The following CNTLN variants were observed in gnomAD, a reference collection of about 807,000 sequenced individuals.
The protein encoded by CNTLN is centlein, centrosomal protein.
A neutral mutation model predicts 180.0 loss-of-function variants in CNTLN; 212 were observed. The ratio of observed to expected loss-of-function variants is 1.18; its 90% CI spans 1.05 to 1.32. CNTLN has a LOEUF of 1.32. Among genes scored for constraint, CNTLN ranks in the 40% most tolerant of loss-of-function variants. CNTLN has a pLI of 0.00. For synonymous variants in CNTLN, 722 were observed against 563.1 expected, an observed-to-expected ratio of 1.28 and a Z score of -3.99; for missense variants, 2,095 against 1,610.9, an observed-to-expected ratio of 1.30 and a Z score of -5.14.
Position 17,417,951 on chromosome 9 carries a change from T to C in CNTLN, c.3114+1762T>C, listed in dbSNP as rs1828397202. 2.0e-5 allele frequency among the ~76,000 whole-genome samples: 3 copies of C among 152,036 alleles called. No homozygotes were observed. The South Asian group carries it at 6.2e-4, about 31-fold the overall frequency. On this transcript the variant is annotated intron_variant, in intron 18 of 25. Transcript: ENST00000380647. ...GTTACTGCATGGTTCATCTGCATTT[T>C]AGAGAGAGTATAGTATAGATGATCA...
At chr9:17,136,076 A>G (rs1171792073) in intron 1 of CNTLN, among the ~76,000 whole-genome samples, 1 of 152,214 alleles carries the variant, frequency 6.6e-6, no homozygotes, top group African/African-American at 2.4e-5. Flanking sequence ...AATCAATTGC[A>G]TTAAAATTAC....
chr9:17,154,385 C>T (rs1425555859), intron 2 of CNTLN, among the ~76,000 whole-genome samples: 2 of 152,164 alleles, frequency 1.3e-5, no homozygotes, highest in African/African-American at 2.4e-5. Context: ...TTCCTTCTGA[C>T]AGTCAGGCCC....
At chr9:17,230,795 G>GT (rs1364261991) in intron 3 of CNTLN, among the ~76,000 whole-genome samples, 1 of 152,178 alleles carries the variant, frequency 6.6e-6, no homozygotes, top group South Asian at 2.1e-4. Flanking sequence ...TTATGAAAAT[G>GT]TGTCACCTCT....
At chr9:17,404,192 C>T (rs1047686129) in intron 15 of CNTLN, among the ~76,000 whole-genome samples, 3 of 151,746 alleles carry the variant, frequency 2.0e-5, no homozygotes, top group African/African-American at 7.3e-5. Flanking sequence ...AGTAGATGAT[C>T]AATAGGCTCC....
intron 2 of CNTLN, among the ~76,000 whole-genome samples, chr9:17,149,557 G>A (rs973283444): frequency 1.1e-4 from 14 of 125,106 alleles, no homozygotes; most frequent in Admixed American, 7.1e-4. Flanking sequence ...TCGCTCTGTC[G>A]CCCAGGCTGG....
the CNTLN span, among the ~76,000 whole-genome samples, chr9:17,511,407 G>A: frequency 6.6e-6 from 1 of 152,194 alleles, no homozygotes; most frequent in Non-Finnish European, 1.5e-5. Flanking sequence ...TGTGGATCAA[G>A]AATCTGGGTC....
chr9:17,259,476 G>A (rs1459831578), intron 5 of CNTLN, among the ~76,000 whole-genome samples: 1 of 148,568 alleles, frequency 6.7e-6, no homozygotes, highest in East Asian at 2.0e-4. Context: ...GTATCAGAAT[G>A]ATGCTGGCCT....
intron 10 of CNTLN, among the ~76,000 whole-genome samples, chr9:17,335,872 G>A (rs976600784): frequency 1.3e-5 from 2 of 148,158 alleles, no homozygotes; most frequent in African/African-American, 5.0e-5. Flanking sequence ...AACCCAGGAG[G>A]CAGAGGTTGC....
the CNTLN span, among the ~76,000 whole-genome samples, chr9:17,509,100 G>C: frequency 6.6e-6 from 1 of 152,202 alleles, no homozygotes. Flanking sequence ...GTGGGCTTCT[G>C]AGCAAAGTGG....
intron 23 of CNTLN, among the ~76,000 whole-genome samples, chr9:17,467,882 A>G (rs1226049135): frequency 1.3e-5 from 2 of 151,752 alleles, no homozygotes; most frequent in Non-Finnish European, 1.5e-5. Flanking sequence ...CAGCAATCCC[A>G]TTATTGGGTA....
rs1467280633 is a variant in CNTLN, at chr9:17,322,607, T to C, written c.1342-8025T>C. Among the ~76,000 whole-genome samples, 3 of 151,822 alleles carry C rather than the reference T, an allele frequency of 2.0e-5. No individual in the cohort carries two copies. The East Asian group carries it at 5.8e-4, about 29-fold the overall frequency. On this transcript the variant is annotated intron_variant, in intron 8 of 25. Transcript: ENST00000380647. ...GCCGCTGTAATAAAACTTAAGAATG[T>C]TTAGTGATTTTTTTTTTCCTACTAT...
intron 2 of CNTLN, among the ~76,000 whole-genome samples, chr9:17,160,359 A>G (rs914974243): frequency 8.5e-5 from 13 of 152,164 alleles, no homozygotes; most frequent in Non-Finnish European, 1.5e-4. Flanking sequence ...TATATTATGT[A>G]AAGAACTTAT....
intron 12 of CNTLN, among the ~76,000 whole-genome samples, chr9:17,353,123 T>C (rs1257941119): frequency 6.6e-6 from 1 of 152,090 alleles, no homozygotes; most frequent in East Asian, 1.9e-4. Context: ...TTGTTTTTTA[T>C]TTTTCTATTT....
intron 13 of CNTLN, among the ~76,000 whole-genome samples, chr9:17,380,793 G>A (rs1167348123): frequency 1.3e-5 from 2 of 152,190 alleles, no homozygotes; most frequent in African/African-American, 4.8e-5. Context: ...ATAAACAATA[G>A]CAAGCATTTA....
chr9:17,264,075 T>A (rs1452598017), intron 5 of CNTLN, among the ~76,000 whole-genome samples: 1 of 144,736 alleles, frequency 6.9e-6, no homozygotes, highest in African/African-American at 2.7e-5. Context: ...ATTTTGGCTT[T>A]CGTTGCCATT....
chr9:17,401,075 G>A (rs976663834), intron 15 of CNTLN, among the ~76,000 whole-genome samples: 11 of 152,034 alleles, frequency 7.2e-5, no homozygotes, highest in African/African-American at 2.2e-4. Flanking sequence ...GTCAAAAATC[G>A]GTTTGTCTGT....
intron 18 of CNTLN, among the ~76,000 whole-genome samples, chr9:17,445,321 C>G (rs1237312380): frequency 6.6e-6 from 1 of 151,882 alleles, no homozygotes; most frequent in African/African-American, 2.4e-5. Context: ...GACTTAGATA[C>G]GGTACAACCA....
chr9:17,417,194 C>T (rs1396214302), intron 18 of CNTLN, among the ~76,000 whole-genome samples: 1 of 152,248 alleles, frequency 6.6e-6, no homozygotes, highest in East Asian at 1.9e-4. Flanking sequence ...TAGACACAGC[C>T]ACTGATACCA....
chr9:17,510,567 A>T, the CNTLN span, among the ~76,000 whole-genome samples: 3 of 152,154 alleles, frequency 2.0e-5, no homozygotes, highest in Non-Finnish European at 2.9e-5. Flanking sequence ...GGCCTCATTC[A>T]GTTAGTTGAG....
Sources: allele counts gnomAD v4.1 joint callset (sites outside exome capture counted in the v4.1 genomes callset), GRCh38; gene constraint gnomAD v4.1.1; transcripts MANE v1.5; gene names NCBI Gene and HGNC (gene_info 2026-07-23, HGNC 2026-07-21).